BCL11A: variants seen among roughly 807,000 people sequenced by gnomAD.
The protein encoded by BCL11A is B cell CLL/lymphoma 11A.
Under a neutral mutation model 55.9 loss-of-function variants are expected in BCL11A, and 2 were observed. That is an observed-to-expected ratio of 0.04 (90% confidence interval 0.01 to 0.11). The LOEUF is 0.11. Ranked by LOEUF, BCL11A falls within the 10% of genes least tolerant of loss-of-function variation. BCL11A has a pLI of 1.00. For missense variants in BCL11A, 817 were observed against 1,137.1 expected (o/e 0.72, Z 4.05); for synonymous variants, 465 against 473.4 (o/e 0.98, Z 0.23).
In BCL11A at chr2:60,458,109, C is replaced by A; in HGVS notation, c.*2295G>T. 1 of 1,031,026 alleles carries A rather than the reference C, an allele frequency of 9.7e-7. No homozygotes were observed. The highest frequency in any genetic ancestry group is 1.7e-5 in the African/African-American group (1 of 59,162). The allele number at this position is 1,031,026 out of a possible 1,614,324, so 63.9% of individuals were successfully genotyped here. Reference sequence around the variant, plus strand: ...AAGCAACAGTTAAAAATACAAGCTTCAATATAAATACTATAGTGCCTAACA... The same window carrying A: ...AAGCAACAGTTAAAAATACAAGCTTAAATATAAATACTATAGTGCCTAACA... On this transcript the variant is annotated 3_prime_UTR_variant, in exon 4 of 4. Transcript: ENST00000642384.
chr2:60,529,931 C>A (rs1225516415), intron 2 of BCL11A, among the ~76,000 whole-genome samples: 2 of 152,218 alleles, frequency 1.3e-5, no homozygotes, highest in African/African-American at 4.8e-5. Flanking sequence ...GGAACTAGAA[C>A]ATGCCTCCTG....
Position 60,553,619 on chromosome 2 carries a change from C to G in BCL11A, c.-349G>C, listed in dbSNP as rs1670514963. On this transcript the variant is annotated 5_prime_UTR_variant, in exon 1 of 4. Coordinates refer to ENST00000642384, the MANE Select transcript of BCL11A (RefSeq NM_022893.4). ...TTCAAGTGCGGACGTGACGTCCCTGCGAACTTGAACGTCAGGAGTCTGGAT... is the reference window on the plus strand; with the variant it reads ...TTCAAGTGCGGACGTGACGTCCCTGGGAACTTGAACGTCAGGAGTCTGGAT... The G allele has an allele frequency of 6.0e-6, 2 of 332,528 alleles. No homozygotes were observed. The highest frequency in any genetic ancestry group is 1.1e-5 in the Non-Finnish European group (2 of 187,082). The allele number at this position is 332,528 out of a possible 1,614,324, so 20.6% of individuals were successfully genotyped here.
chr2:60,472,511 G>T (rs1677265355), intron 2 of BCL11A, among the ~76,000 whole-genome samples: 1 of 152,138 alleles, frequency 6.6e-6, no homozygotes, highest in African/African-American at 2.4e-5. Flanking sequence ...AGGTTGCAAA[G>T]TTTCCTTATG....
chr2:60,538,618 G>C (rs756130879), intron 2 of BCL11A: 1 of 152,098 alleles, frequency 6.6e-6, no homozygotes, highest in Non-Finnish European at 1.5e-5. Flanking sequence ...AAATATAATG[G>C]TGAAATATTT....
At chr2:60,487,403 C>G (rs1043002888) in intron 2 of BCL11A, among the ~76,000 whole-genome samples, 1 of 151,972 alleles carries the variant, frequency 6.6e-6, no homozygotes, top group Non-Finnish European at 1.5e-5. Flanking sequence ...TGGGCAGTTA[C>G]GTTTTCGTCA....
intron 3 of BCL11A, among the ~76,000 whole-genome samples, chr2:60,465,371 G>A (rs1158603710): frequency 1.3e-5 from 2 of 152,316 alleles, no homozygotes; most frequent in African/African-American, 4.8e-5. Context: ...TTCTCAATTT[G>A]AGAGCCTCAT....
At chr2:60,498,384 C>G (rs1679075392) in intron 2 of BCL11A, among the ~76,000 whole-genome samples, 1 of 152,008 alleles carries the variant, frequency 6.6e-6, no homozygotes, top group African/African-American at 2.4e-5. Flanking sequence ...CAGTGCCGAC[C>G]AAGCACACAA....
chr2:60,478,980 T>TC (rs11389684), intron 2 of BCL11A, among the ~76,000 whole-genome samples: 1 of 149,308 alleles, frequency 6.7e-6, no homozygotes, highest in Non-Finnish European at 1.5e-5. Flanking sequence ...TTTTTTTTTT[T>TC]CCCTCCTCCC....
intron 2 of BCL11A, among the ~76,000 whole-genome samples, chr2:60,471,672 T>C (rs1677206817): frequency 6.6e-6 from 1 of 152,198 alleles, no homozygotes; most frequent in Non-Finnish European, 1.5e-5. Context: ...CACCTTCGCT[T>C]TCATTCTCCC....
rs909785778 is a variant in BCL11A, at chr2:60,553,076, T to A, written c.55+140A>T. 4.7e-6 allele frequency: 4 copies of A among 846,770 alleles called. No individual in the cohort carries two copies. In the East Asian group the frequency reaches 1.2e-4, roughly 25 times the overall value. The allele number at this position is 846,770 out of a possible 1,614,324, so 52.5% of individuals were successfully genotyped here. On this transcript the variant is annotated intron_variant, in intron 1 of 3. Coordinates refer to ENST00000642384, the MANE Select transcript of BCL11A (RefSeq NM_022893.4). ...GGGTTTTTTCCCCCTTTATCTCTTT[T>A]ACCTCGACTCTCGGAGGTTTTTCTC... is the stretch of plus-strand genomic sequence containing the variant.
Position 60,458,083 on chromosome 2 carries a change from C to A in BCL11A, c.*2321G>T, listed in dbSNP as rs1360128478. ...GGTACATTGATACCTTTTAAGAGAACAAGCAACAGTTAAAAATACAAGCTT... is the reference window on the plus strand; with the variant it reads ...GGTACATTGATACCTTTTAAGAGAAAAAGCAACAGTTAAAAATACAAGCTT... On this transcript the variant is annotated 3_prime_UTR_variant, in exon 4 of 4. Transcript: ENST00000642384. 1.2e-5 allele frequency: 12 copies of A among 1,029,254 alleles called. No individual in the cohort carries two copies. The highest frequency in any genetic ancestry group is 1.4e-5 in the Non-Finnish European group (12 of 857,304). The allele number at this position is 1,029,254 out of a possible 1,614,324, so 63.8% of individuals were successfully genotyped here. A position where few individuals can be genotyped will look rare whatever the true frequency, so the allele number is the denominator to read the frequency against.
intron 2 of BCL11A, chr2:60,533,619 A>T (rs916930638): frequency 1.3e-5 from 2 of 152,202 alleles, no homozygotes; most frequent in Non-Finnish European, 2.9e-5. Context: ...ATCTTAGTAA[A>T]GCAATTACAT....
chr2:60,468,610 T>C, intron 3 of BCL11A, 122 bp downstream of exon 3: 1 of 699,626 alleles, frequency 1.4e-6, no homozygotes, highest in Admixed American at 2.5e-5. Flanking sequence ...AGTAATGGAA[T>C]AATACATATG....
At chr2:60,537,224 AT>A (rs1669709668) in intron 2 of BCL11A, 1 of 152,150 alleles carries the variant, frequency 6.6e-6, no homozygotes, top group South Asian at 2.1e-4. Flanking sequence ...TATTATTAAA[AT>A]TTTTTTCAGC....
At chr2:60,462,720 C>T (rs1189107757) in intron 3 of BCL11A, among the ~76,000 whole-genome samples, 1 of 152,334 alleles carries the variant, frequency 6.6e-6, no homozygotes, top group East Asian at 1.9e-4. Flanking sequence ...ATTCTAGGCA[C>T]CTCAACAAAT....
intron 2 of BCL11A, among the ~76,000 whole-genome samples, chr2:60,507,040 G>A (rs1411932729): frequency 3.3e-5 from 5 of 151,832 alleles, no homozygotes; most frequent in Admixed American, 1.3e-4. Context: ...AAACAGTAAC[G>A]TACATATGTA....
At chr2:60,492,447 C>T (rs1678690343) in intron 2 of BCL11A, among the ~76,000 whole-genome samples, 1 of 152,130 alleles carries the variant, frequency 6.6e-6, no homozygotes, top group African/African-American at 2.4e-5. Flanking sequence ...AAGAAAAAAA[C>T]TTAGTTGGGT....
chr2:60,468,028 G>GATGGTGCTGGTGGTCATGGTACTTT lies in BCL11A; in HGVS notation c.487+703_487+704insAAAGTACCATGACCACCAGCACCAT, dbSNP rs1558620921. ...TGGTGATGGTGGTGGTGGTGGTAGTGGTGGTGATGGTGGTGATGGTACTGG... is the reference window on the plus strand; with the variant it reads ...TGGTGATGGTGGTGGTGGTGGTAGTGATGGTGCTGGTGGTCATGGTACTTTGTGGTGATGGTGGTGATGGTACTGG... On this transcript the variant is annotated intron_variant, in intron 3 of 3. Coordinates refer to ENST00000642384, the MANE Select transcript of BCL11A (RefSeq NM_022893.4). 5.3e-4 allele frequency among the ~76,000 whole-genome samples: 76 copies of GATGGTGCTGGTGGTCATGGTACTTT among 144,600 alleles called. 2 individuals carry two copies. The highest frequency in any genetic ancestry group is 6.9e-4 in the Non-Finnish European group (45 of 65,402). The allele number at this position is 144,600 out of a possible 152,430, so 94.9% of individuals were successfully genotyped here.
At chr2:60,477,979 T>C (rs552002628) in intron 2 of BCL11A, among the ~76,000 whole-genome samples, 11 of 150,680 alleles carry the variant, frequency 7.3e-5, no homozygotes, top group African/African-American at 2.2e-4. Context: ...TTTTTTTTAA[T>C]TGAGACATGG....
Sources: gnomAD v4.1 joint callset for allele counts (sites outside exome capture counted in the v4.1 genomes callset) on GRCh38, gnomAD v4.1.1 for gene constraint, MANE v1.5 for transcripts, NCBI Gene and HGNC (gene_info 2026-07-23, HGNC 2026-07-21) for gene names.